The following MARCHF1 variants were observed in gnomAD, a reference collection of about 807,000 sequenced individuals.
The protein encoded by MARCHF1 is membrane associated ring-CH-type finger 1.
MARCHF1 carries 40 observed loss-of-function variants against 54.2 expected under a neutral mutation model. That is an observed-to-expected ratio of 0.74 (90% CI 0.57 to 0.96). The LOEUF (loss-of-function observed/expected upper bound fraction) is 0.96, where lower values mean the gene tolerates loss of function less well. Ranked by LOEUF, MARCHF1 falls within the 40% of genes least tolerant of loss-of-function variation. MARCHF1 has a pLI of 0.00. For missense variants in MARCHF1, 586 were observed against 656.5 expected (o/e 0.89, Z 1.17); for synonymous variants, 236 against 236.3 (o/e 1.00, Z 0.01).
chr4:164,342,387 G>A (rs1303501542), intron 1 of MARCHF1, among the ~76,000 whole-genome samples: 1 of 151,954 alleles, frequency 6.6e-6, no homozygotes, highest in Non-Finnish European at 1.5e-5. Context: ...CAGCTCTCAT[G>A]GAAAACATTA....
At chr4:164,251,492 C>G (rs766002962) in intron 1 of MARCHF1, among the ~76,000 whole-genome samples, 1 of 152,130 alleles carries the variant, frequency 6.6e-6, no homozygotes, top group Non-Finnish European at 1.5e-5. Flanking sequence ...AAATTTTAGC[C>G]TCAGGCCAAA....
At chr4:164,048,180 T>A (rs1379477812) in intron 2 of MARCHF1, among the ~76,000 whole-genome samples, 1 of 152,176 alleles carries the variant, frequency 6.6e-6, no homozygotes, top group African/African-American at 2.4e-5. Flanking sequence ...ACTTTTCAAT[T>A]CTGATTTTTT....
chr4:163,931,585 T>C (rs958569063), intron 3 of MARCHF1, among the ~76,000 whole-genome samples: 1 of 152,190 alleles, frequency 6.6e-6, no homozygotes, highest in Non-Finnish European at 1.5e-5. Context: ...CTTGGACTTC[T>C]CAGCTTCCAG....
intron 1 of MARCHF1, among the ~76,000 whole-genome samples, chr4:164,323,957 T>A (rs1003847196): frequency 6.6e-6 from 1 of 151,834 alleles, no homozygotes; most frequent in African/African-American, 2.4e-5. Context: ...TAAAAGGACA[T>A]GGAAAATTCT....
At chr4:163,812,894 C>T (rs981081462) in intron 4 of MARCHF1, among the ~76,000 whole-genome samples, 8 of 152,142 alleles carry the variant, frequency 5.3e-5, no homozygotes, top group African/African-American at 1.9e-4. Flanking sequence ...TGTATAACAT[C>T]ACAACAGGGG....
At chr4:163,811,487 G>A (rs578032289) in intron 4 of MARCHF1, among the ~76,000 whole-genome samples, 7 of 151,580 alleles carry the variant, frequency 4.6e-5, no homozygotes, top group Non-Finnish European at 8.8e-5. Context: ...AACATAGTGA[G>A]AAAGAAAAGA....
chr4:164,196,471 T>G (rs1224389579), intron 1 of MARCHF1, among the ~76,000 whole-genome samples: 1 of 152,188 alleles, frequency 6.6e-6, no homozygotes, highest in East Asian at 1.9e-4. Flanking sequence ...ATTTCCTTAT[T>G]AATAAATTTT....
chr4:163,793,474 G>A (rs945387339), intron 4 of MARCHF1, among the ~76,000 whole-genome samples: 2 of 152,048 alleles, frequency 1.3e-5, no homozygotes, highest in African/African-American at 4.8e-5. Flanking sequence ...GATATTTCCT[G>A]GCTTCAAAGA....
intron 2 of MARCHF1, among the ~76,000 whole-genome samples, chr4:164,005,358 G>T (rs893103111): frequency 6.6e-6 from 1 of 152,090 alleles, no homozygotes; most frequent in Non-Finnish European, 1.5e-5. Flanking sequence ...AAACAGCAGT[G>T]TAGAAGGAAG....
At chr4:163,921,871 AT>A (rs1751437959) in intron 3 of MARCHF1, among the ~76,000 whole-genome samples, 3 of 152,174 alleles carry the variant, frequency 2.0e-5, no homozygotes, top group African/African-American at 2.4e-5. Context: ...TATTAAAAAA[AT>A]ATACCCAAAG....
intron 2 of MARCHF1, among the ~76,000 whole-genome samples, chr4:164,041,418 T>C (rs1754126697): frequency 6.6e-6 from 1 of 152,180 alleles, no homozygotes; most frequent in Non-Finnish European, 1.5e-5. Context: ...TCTTTGTGGA[T>C]AAGATTCATG....
intron 4 of MARCHF1, among the ~76,000 whole-genome samples, chr4:163,720,473 C>G (rs1326950113): frequency 1.3e-5 from 2 of 151,904 alleles, no homozygotes; most frequent in African/African-American, 4.8e-5. Context: ...ATGCCTCCGG[C>G]TTTGTTCTTT....
At position 164,303,951 on chromosome 4, in the gene MARCHF1, T is replaced by C. The variant is rs568951618; in HGVS notation, c.-323+79919A>G. ...GAGTGATGAATCCAAATAAAAGCTT[T>C]CCTATCCCTATTTACCGCATGCATT... On this transcript the variant is annotated intron_variant, in intron 1 of 9. Transcript: ENST00000514618. 7.9e-5 allele frequency among the ~76,000 whole-genome samples: 12 copies of C among 152,354 alleles called. No homozygotes were observed. In the South Asian group the frequency reaches 2.3e-3, roughly 29 times the overall value.
At chr4:163,945,986 G>A (rs1752015278) in intron 3 of MARCHF1, among the ~76,000 whole-genome samples, 2 of 130,288 alleles carry the variant, frequency 1.5e-5, no homozygotes. Context: ...TTCTCAACCT[G>A]TATTTTTAGT....
At chr4:163,758,346 A>G (rs1228715648) in intron 4 of MARCHF1, among the ~76,000 whole-genome samples, 1 of 152,192 alleles carries the variant, frequency 6.6e-6, no homozygotes, top group African/African-American at 2.4e-5. Context: ...CTTCAGGGGA[A>G]GACCAAGACA....
chr4:163,902,793 CT>C (rs531514565), intron 3 of MARCHF1, among the ~76,000 whole-genome samples: 57 of 152,196 alleles, frequency 3.7e-4, no homozygotes, highest in African/African-American at 1.2e-3. Context: ...CAAATAAATG[CT>C]TTTTTTAGCC....
At chr4:164,208,761 C>T (rs1409575293) in intron 1 of MARCHF1, among the ~76,000 whole-genome samples, 2 of 152,088 alleles carry the variant, frequency 1.3e-5, no homozygotes, top group African/African-American at 4.8e-5. Flanking sequence ...GCCTGGGCAA[C>T]ATGGTGAAAT....
chr4:163,720,379 T>G (rs1198386593), intron 4 of MARCHF1, among the ~76,000 whole-genome samples: 1 of 152,198 alleles, frequency 6.6e-6, no homozygotes, highest in African/African-American at 2.4e-5. Context: ...TCTGTTCCAT[T>G]GGTCTATATC....
chr4:164,100,863 A>C (rs559848259), intron 2 of MARCHF1, among the ~76,000 whole-genome samples: 103 of 152,260 alleles, frequency 6.8e-4, no homozygotes, highest in African/African-American at 2.1e-3. Context: ...GGTTCATCTC[A>C]CTAGGGAGTG....
Sources: gnomAD v4.1 joint callset for allele counts (sites outside exome capture counted in the v4.1 genomes callset) on GRCh38, gnomAD v4.1.1 for gene constraint, MANE v1.5 for transcripts, NCBI Gene and HGNC (gene_info 2026-07-23, HGNC 2026-07-21) for gene names.